Variants in BEST3 observed in about 807,000 individuals in gnomAD.
BEST3 encodes the protein bestrophin-3.
Under a neutral mutation model 47.1 loss-of-function variants are expected in BEST3, and 50 were observed. The observed-to-expected ratio is 1.06, with a 90% CI of 0.85 to 1.34. The LOEUF is 1.34. BEST3 is among the 40% of genes most tolerant of loss of function. BEST3 has a pLI of 0.00. For missense variants in BEST3, 765 were observed against 817.0 expected, an observed-to-expected ratio of 0.94 and a Z score of 0.78; for synonymous variants, 282 against 298.8, an observed-to-expected ratio of 0.94 and a Z score of 0.58.
At chr12:69,666,171 C>T (rs759264716) in intron 9 of BEST3, among the ~76,000 whole-genome samples, 33 of 152,104 alleles carry the variant, frequency 2.2e-4, no homozygotes, top group Non-Finnish European at 3.8e-4. Flanking sequence ...AGGTGTGCAC[C>T]ACCATGCCGG....
rs1235305378 is a variant in BEST3 at position 69,672,883 on chromosome 12, A to T, written c.948+2T>A. On this transcript the variant is annotated splice_donor_variant, in intron 8 of 9. Transcript: ENST00000330891. LOFTEE classifies it high-confidence loss of function. ...TGAAAAAGAAAGAAAAATTCCTCTA[A>T]CCTGCAAATTTCTGTCAATGCACCA... The T allele has an allele frequency of 6.2e-7, 1 of 1,604,524 alleles. No homozygotes were observed. The highest frequency in any genetic ancestry group is 2.2e-5 in the East Asian group (1 of 44,822).
At chr12:69,689,132 A>T in intron 4 of BEST3, 1 of 985,484 alleles carries the variant, frequency 1.0e-6, no homozygotes, top group Non-Finnish European at 1.2e-6. Flanking sequence ...AATCTGCCAA[A>T]CATTTTCCGC....
intron 6 of BEST3, 54 bp from the exon 7 acceptor site, chr12:69,677,122 G>C: frequency 1.9e-6 from 3 of 1,613,720 alleles, no homozygotes; most frequent in Non-Finnish European, 2.5e-6. Context: ...CCGCAGCGAA[G>C]CTACAGTGCC....
intron 7 of BEST3, among the ~76,000 whole-genome samples, chr12:69,676,238 C>G (rs1483276228): frequency 6.6e-6 from 1 of 152,028 alleles, no homozygotes; most frequent in African/African-American, 2.4e-5. Context: ...AATTCTGAGT[C>G]TCAGTTCTGG....
intron 7 of BEST3, among the ~76,000 whole-genome samples, chr12:69,675,294 AT>A (rs945063071): frequency 6.6e-6 from 1 of 150,682 alleles, no homozygotes; most frequent in Non-Finnish European, 1.5e-5. Flanking sequence ...AATATTTTGT[AT>A]TTTTTTTGTA....
Position 69,653,612 on chromosome 12 carries a change from T to A in BEST3, c.*1295A>T. On this transcript the variant is annotated 3_prime_UTR_variant, in exon 10 of 10. Transcript: ENST00000330891. Reference sequence around the variant, plus strand: ...AGTGTAAGCACTCAATAAATGGTAGTTTTGAGGGTTATTTTATTTCTAAAG... The same window carrying A: ...AGTGTAAGCACTCAATAAATGGTAGATTTGAGGGTTATTTTATTTCTAAAG... 1.0e-6 allele frequency: 1 copy of A among 982,216 alleles called. No homozygotes were observed. Among genetic ancestry groups the A allele is most frequent in the Non-Finnish European group, 1.2e-6 (1 of 827,064 alleles). 60.8% of individuals were successfully genotyped at this position (982,216 alleles called of 1,614,324 possible).
intron 4 of BEST3, among the ~76,000 whole-genome samples, chr12:69,685,542 T>C (rs796655967): frequency 1.3e-5 from 2 of 152,180 alleles, no homozygotes; most frequent in Non-Finnish European, 2.9e-5. Context: ...TATCTGAGAA[T>C]GGGAGTCAGG....
chr12:69,693,794 C>G lies in BEST3; in HGVS notation c.361G>C (p.Gly121Arg), dbSNP rs1203159181. Reference protein sequence around the residue: ...SSSVHGSDEHGRLLRRTLMRY... With the variant: ...SSSVHGSDEHRRLLRRTLMRY... ...ATCAGCGTCCTTCTAAGCAGGCGCCCGTGCTCGTCGCTTCCGTGAACACTG... is the reference window on the plus strand; with the variant it reads ...ATCAGCGTCCTTCTAAGCAGGCGCCGGTGCTCGTCGCTTCCGTGAACACTG... The change falls in exon 4 of 10, where the codon GGG (glycine) becomes CGG (arginine). Residue 121 changes from glycine to arginine, a missense_variant. Gly to Arg is a moderately radical substitution (Grantham distance 125). Coordinates refer to ENST00000330891, the MANE Select transcript of BEST3 (RefSeq NM_032735.3). 6.2e-7 allele frequency: 1 copy of G among 1,614,170 alleles called. No homozygotes were observed. Among genetic ancestry groups the G allele is most frequent in the South Asian group, 1.1e-5 (1 of 91,076 alleles).
At chr12:69,666,107 C>T (rs1183976621) in intron 9 of BEST3, among the ~76,000 whole-genome samples, 2 of 152,134 alleles carry the variant, frequency 1.3e-5, no homozygotes, top group Non-Finnish European at 2.9e-5. Flanking sequence ...GCAACCTTCC[C>T]CTCCTGGGTT....
intron 1 of BEST3, among the ~76,000 whole-genome samples, chr12:69,698,335 T>G (rs1886210949): frequency 6.6e-6 from 1 of 152,132 alleles, no homozygotes; most frequent in Non-Finnish European, 1.5e-5. Flanking sequence ...CTCTTTGGAG[T>G]TGAACAAAAT....
chr12:69,676,963 G>T lies in BEST3; in HGVS notation c.820C>A (p.Pro274Thr). ...YAGHDLDLYI[P>T]IFTLLQFFFY... ...AAGAATTGTAGGAGGGTGAAGATGG[G>T]AATGTAAAGATCCAAGTCATGCCCT... Residue 274 changes from proline (P) to threonine (T), a missense_variant, in exon 7 of 10, where the codon CCC becomes ACC. Physicochemically the swap from Pro to Thr is conservative, Grantham distance 38. Transcript: ENST00000330891. 6.2e-7 allele frequency: 1 copy of T among 1,614,062 alleles called. No homozygotes were observed. The highest frequency in any genetic ancestry group is 1.7e-4 in the Middle Eastern group (1 of 6,054).
rs1422241546 is a variant in BEST3 at position 69,655,795 on chromosome 12, A to G, written c.1119T>C (p.Phe373=). The G allele has an allele frequency of 1.9e-6, 3 of 1,609,252 alleles. No homozygotes were observed. The highest frequency in any genetic ancestry group is 2.5e-6 in the Non-Finnish European group (3 of 1,176,616). Residue 373 remains phenylalanine (F), a synonymous_variant, in exon 10 of 10, where the codon TTT becomes TTC. Transcript: ENST00000330891. The part of the protein sequence containing the change: ...TVQMGLSGSD[F]PDEEWLWDYE... ...AATCCCACAGCCACTCCTCGTCAGGAAAGTCGGACCCAGACAGCCTGAAAC... is the reference window on the plus strand; with the variant it reads ...AATCCCACAGCCACTCCTCGTCAGGGAAGTCGGACCCAGACAGCCTGAAAC...
chr12:69,676,524 T>G (rs77141535), intron 7 of BEST3, among the ~76,000 whole-genome samples: 12,261 of 152,216 alleles, frequency 0.081, 699 homozygotes, highest in East Asian at 0.23. Flanking sequence ...AAGATTCTAC[T>G]ACAATATTAA....
chr12:69,652,387 T>C (rs1363639673), downstream of BEST3, among the ~76,000 whole-genome samples: 1 of 152,206 alleles, frequency 6.6e-6, no homozygotes, highest in Non-Finnish European at 1.5e-5. Flanking sequence ...AAGAAATCAT[T>C]TTGTTTTTTT....
At chr12:69,663,889 G>A (rs1311339042) in intron 9 of BEST3, among the ~76,000 whole-genome samples, 2 of 152,088 alleles carry the variant, frequency 1.3e-5, no homozygotes, top group East Asian at 1.9e-4. Context: ...AAAGGATTCC[G>A]CAGTATTACA....
At chr12:69,672,161 A>G (rs1253811347) in intron 8 of BEST3, among the ~76,000 whole-genome samples, 1 of 152,226 alleles carries the variant, frequency 6.6e-6, no homozygotes, top group Non-Finnish European at 1.5e-5. Flanking sequence ...CAATTTTGAC[A>G]AAGTGAGTGA....
intron 9 of BEST3, among the ~76,000 whole-genome samples, chr12:69,661,710 A>G (rs895691603): frequency 6.6e-6 from 1 of 152,140 alleles, no homozygotes; most frequent in African/African-American, 2.4e-5. Flanking sequence ...TGGACCAAAT[A>G]TTGTATTCAT....
In BEST3 at chr12:69,693,722, T is replaced by C. The variant is rs778208132; in HGVS notation, c.433A>G (p.Thr145Ala). 6 of 1,614,076 alleles carry C rather than the reference T, an allele frequency of 3.7e-6. No individual in the cohort carries two copies. The African/African-American group carries it at 4.0e-5, about 11-fold the overall frequency. ...TSLLIFRSVS[T>A]AVYKRFPTMD... The stretch of plus-strand genomic sequence containing the variant: ...GTGGGAAATCTTTTGTACACAGCAG[T>C]GCTCACCGAGCGAAAGATGAGCAGG... The change falls in exon 4 of 10, where the codon ACT (threonine) becomes GCT (alanine). Residue 145 changes from threonine (T) to alanine (A), a missense_variant. Transcript: ENST00000330891.
Position 69,678,728 on chromosome 12 carries a change from G to C in BEST3, c.636+11C>G. 1 of 1,612,366 alleles carries C rather than the reference G, an allele frequency of 6.2e-7. No individual in the cohort carries two copies. The highest frequency in any genetic ancestry group is 2.2e-5 in the East Asian group (1 of 44,834). ...TTAGCGTATTTTTCTTATGATTTAT[G>C]ATATACTTACAGTCATCAATGATTG... On this transcript the variant is annotated intron_variant, in intron 5 of 9. Coordinates refer to ENST00000330891, the MANE Select transcript of BEST3 (RefSeq NM_032735.3).
Sources: allele counts gnomAD v4.1 joint callset (sites outside exome capture counted in the v4.1 genomes callset), GRCh38; gene constraint gnomAD v4.1.1; transcripts MANE v1.5; gene names NCBI Gene and HGNC (gene_info 2026-07-23, HGNC 2026-07-21).